Variants in FREM1 observed in about 807,000 individuals in gnomAD.
FREM1 encodes FRAS1-related extracellular matrix protein 1.
FREM1 carries 220 observed loss-of-function variants against 210.1 expected under a neutral mutation model. The observed-to-expected ratio is 1.05, with a 90% CI of 0.94 to 1.17. The LOEUF (loss-of-function observed/expected upper bound fraction) is 1.17. Among genes scored for constraint, FREM1 ranks in the 50% most tolerant of loss-of-function variants. The pLI is 0.00. For missense variants in FREM1, 3,454 were observed against 2,675.5 expected (o/e 1.29, Z -6.42); for synonymous variants, 1,189 against 980.2 (o/e 1.21, Z -3.98).
At chr9:14,879,150 T>G (rs1834319614) in intron 1 of FREM1, among the ~76,000 whole-genome samples, 1 of 127,202 alleles carries the variant, frequency 7.9e-6, no homozygotes, top group East Asian at 2.7e-4. Flanking sequence ...AGAGCAAGAT[T>G]CCGTCTCAAA....
At chr9:14,779,370 G>T (rs764212204) in intron 24 of FREM1, 18 of 358,942 alleles carry the variant, frequency 5.0e-5, no homozygotes, top group Non-Finnish European at 6.6e-5. Context: ...TAGACATTGT[G>T]CACTATTAAA....
intron 15 of FREM1, among the ~76,000 whole-genome samples, chr9:14,815,514 C>T (rs1820132725): frequency 1.3e-5 from 2 of 152,100 alleles, no homozygotes; most frequent in African/African-American, 4.8e-5. Flanking sequence ...CTTCAGGGAA[C>T]ATGGTATATT....
intron 27 of FREM1, among the ~76,000 whole-genome samples, chr9:14,763,987 C>T (rs1845961218): frequency 6.6e-6 from 1 of 152,206 alleles, no homozygotes; most frequent in African/African-American, 2.4e-5. Context: ...TGTATCCCCA[C>T]ATGTTGAATT....
chr9:14,826,766 G>A (rs1416068690), intron 10 of FREM1, among the ~76,000 whole-genome samples: 3 of 152,076 alleles, frequency 2.0e-5, no homozygotes, highest in Non-Finnish European at 4.4e-5. Flanking sequence ...AAAAGGGCTC[G>A]AGGGAATGAA....
chr9:14,810,015 AAAG>A lies in FREM1; in HGVS notation c.2894-1884_2894-1882del, dbSNP rs1381638939. Among the ~76,000 whole-genome samples the A allele has an allele frequency of 2.0e-5, 3 of 152,232 alleles. No homozygotes were observed. In the East Asian group the frequency reaches 5.8e-4, roughly 29 times the overall value. On this transcript the variant is annotated intron_variant, in intron 16 of 36. Transcript: ENST00000380880. ...GATCGTGTGCAAGGTGCTGAGGGTG[AAAG>A]AAGATGAGTTTTAGCTGACAATGGC...
chr9:14,855,925 G>C (rs1346331247), intron 5 of FREM1, among the ~76,000 whole-genome samples: 1 of 152,052 alleles, frequency 6.6e-6, no homozygotes, highest in Non-Finnish European at 1.5e-5. Flanking sequence ...AAGGAGTTTT[G>C]TGTTAAAACA....
At chr9:14,881,172 C>T (rs1016432859) in intron 1 of FREM1, among the ~76,000 whole-genome samples, 4 of 152,208 alleles carry the variant, frequency 2.6e-5, no homozygotes, top group African/African-American at 9.6e-5. Flanking sequence ...ACAGCTGAAA[C>T]AAATCTCCTT....
intron 1 of FREM1, among the ~76,000 whole-genome samples, chr9:14,873,596 G>C (rs1247350198): frequency 6.6e-6 from 1 of 151,886 alleles, no homozygotes; most frequent in East Asian, 1.9e-4. Context: ...TATCAATTTT[G>C]TTGATCCTTT....
chr9:14,842,456 T>G lies in FREM1; in HGVS notation c.1598A>C (p.Glu533Ala), dbSNP rs1310583336. 6.2e-7 allele frequency: 1 copy of G among 1,613,994 alleles called. No individual in the cohort carries two copies. The highest frequency in any genetic ancestry group is 1.7e-5 in the Admixed American group (1 of 60,026). The change falls in exon 9 of 37, where the codon GAG becomes GCG. Residue 533 changes from glutamate (E) to alanine (A), a missense_variant. Transcript: ENST00000380880. Reference sequence around the variant, plus strand: ...CTGGATCAGGATGGTCTGCCCCTCCTCCAGTTCAATCACAACATTGGTTAT... The same window carrying G: ...CTGGATCAGGATGGTCTGCCCCTCCGCCAGTTCAATCACAACATTGGTTAT... The part of the protein sequence containing the change: ...FLITNVVIEL[E>A]EGQTILIQGS...
intron 1 of FREM1, among the ~76,000 whole-genome samples, chr9:14,908,375 G>T (rs990806258): frequency 1.3e-5 from 2 of 152,200 alleles, no homozygotes; most frequent in Non-Finnish European, 2.9e-5. Context: ...GGCTGGGAAA[G>T]AATTAAGAAC....
chr9:14,750,339 A>C, intron 29 of FREM1, 63 bp from the exon 30 acceptor site: 1 of 1,311,368 alleles, frequency 7.6e-7, no homozygotes, highest in Non-Finnish European at 1.1e-6. Context: ...GGTGTCAGAG[A>C]AATATATTAA....
rs958459634 is a variant in FREM1, at chr9:14,859,193, G to A, written c.621C>T (p.Phe207=). 1.3e-6 allele frequency: 2 copies of A among 1,580,504 alleles called. No individual in the cohort carries two copies. Among genetic ancestry groups the A allele is most frequent in the Admixed American group, 1.8e-5 (1 of 54,084 alleles). Residue 207 remains phenylalanine (F), a synonymous_variant, in exon 4 of 37, where the codon TTC becomes TTT. Coordinates refer to ENST00000380880, the MANE Select transcript of FREM1 (RefSeq NM_001379081.2). ...EPRGDQPHSF[F]PESQLRAKLK... is the part of the protein sequence containing the mutation. The stretch of plus-strand genomic sequence containing the variant: ...TAAAAGACATCATACGGGACTCTGG[G>A]AAAAAACTGTGTGGCTGATCTCCAC...
intron 3 of FREM1, among the ~76,000 whole-genome samples, chr9:14,862,430 A>C (rs1830752974): frequency 6.6e-6 from 1 of 152,214 alleles, no homozygotes; most frequent in Non-Finnish European, 1.5e-5. Context: ...TACTCCACAT[A>C]CATCAGTTCT....
At chr9:14,838,529 A>G (rs1207830456) in intron 10 of FREM1, among the ~76,000 whole-genome samples, 1 of 151,972 alleles carries the variant, frequency 6.6e-6, no homozygotes, top group Non-Finnish European at 1.5e-5. Context: ...TACTTGTTTC[A>G]TTGGCATGCA....
chr9:14,749,996 ACT>A, intron 30 of FREM1, 129 bp downstream of exon 30: 2 of 924,736 alleles, frequency 2.2e-6, no homozygotes, highest in South Asian at 3.0e-5. Flanking sequence ...CTACATCACG[ACT>A]GAGGGTGCTT....
At chr9:14,831,147 A>T (rs921929570) in intron 10 of FREM1, among the ~76,000 whole-genome samples, 1 of 152,164 alleles carries the variant, frequency 6.6e-6, no homozygotes, top group African/African-American at 2.4e-5. Context: ...GAGGCAACTG[A>T]GAATTTCTGG....
At chr9:14,753,214 G>A (rs1299504116) in intron 29 of FREM1, among the ~76,000 whole-genome samples, 1 of 152,218 alleles carries the variant, frequency 6.6e-6, no homozygotes, top group African/African-American at 2.4e-5. Context: ...GTCATTTTAT[G>A]CAGACATATT....
intron 13 of FREM1, among the ~76,000 whole-genome samples, chr9:14,821,293 A>T (rs1319110267): frequency 6.6e-6 from 1 of 151,572 alleles, no homozygotes; most frequent in Non-Finnish European, 1.5e-5. Context: ...AAGTAAAAAT[A>T]AAAAAAAAGA....
At chr9:14,893,839 TA>T (rs2132437597) in intron 1 of FREM1, among the ~76,000 whole-genome samples, 1 of 152,328 alleles carries the variant, frequency 6.6e-6, no homozygotes, top group Admixed American at 6.5e-5. Flanking sequence ...GGAAGGTTTG[TA>T]AAAAATTAAT....
Sources: allele counts gnomAD v4.1 joint callset (sites outside exome capture counted in the v4.1 genomes callset), GRCh38; gene constraint gnomAD v4.1.1; transcripts MANE v1.5; gene names NCBI Gene and HGNC (gene_info 2026-07-23, HGNC 2026-07-21).